CSMD1: variants seen among roughly 807,000 people sequenced by gnomAD.
The protein encoded by CSMD1 is CUB and Sushi multiple domains 1.
CSMD1 carries 213 observed loss-of-function variants against 417.5 expected under a neutral mutation model. The ratio of observed to expected loss-of-function variants is 0.51; its 90% CI spans 0.46 to 0.57. CSMD1 has a LOEUF of 0.57. CSMD1 is among the 20% of genes least tolerant of loss of function. The pLI, the probability that CSMD1 is intolerant of heterozygous loss-of-function variation, is 0.00. For synonymous variants in CSMD1, 2,862 were observed against 1,736.8 expected (o/e 1.65, Z -16.11); for missense variants, 6,923 against 4,529.7 (o/e 1.53, Z -15.17).
chr8:2,942,829 T>C (rs1489400921), intron 68 of CSMD1, among the ~76,000 whole-genome samples: 2 of 151,692 alleles, frequency 1.3e-5, no homozygotes, highest in East Asian at 3.9e-4. Context: ...TATGAAAGAG[T>C]CTCAACATTT....
At chr8:2,983,840 T>G (rs960198323) in intron 54 of CSMD1, among the ~76,000 whole-genome samples, 1 of 152,190 alleles carries the variant, frequency 6.6e-6, no homozygotes, top group Non-Finnish European at 1.5e-5. Flanking sequence ...GAAATAAAGC[T>G]TAGTTTTTAA....
intron 3 of CSMD1, among the ~76,000 whole-genome samples, chr8:4,037,696 TTGAA>T (rs1200893128): frequency 6.6e-6 from 1 of 152,312 alleles, no homozygotes; most frequent in African/African-American, 2.4e-5. Flanking sequence ...GGTGTGAAGA[TTGAA>T]TGAGATAACA....
chr8:3,149,971 G>A (rs1585484615), intron 40 of CSMD1, among the ~76,000 whole-genome samples: 1 of 152,112 alleles, frequency 6.6e-6, no homozygotes, highest in African/African-American at 2.4e-5. Flanking sequence ...ACTATCCCGG[G>A]TTACACATAC....
chr8:3,266,517 A>T (rs1801443009), intron 26 of CSMD1, among the ~76,000 whole-genome samples: 1 of 150,810 alleles, frequency 6.6e-6, no homozygotes, highest in South Asian at 2.1e-4. Flanking sequence ...GAGGCAGGAG[A>T]ATCACTTGAA....
chr8:3,860,623 G>T (rs556662785), intron 5 of CSMD1, among the ~76,000 whole-genome samples: 2 of 152,044 alleles, frequency 1.3e-5, no homozygotes, highest in Non-Finnish European at 2.9e-5. Context: ...GACACTATTA[G>T]TTACAGTCCA....
chr8:4,366,717 T>A (rs889949792), intron 3 of CSMD1, among the ~76,000 whole-genome samples: 10 of 152,070 alleles, frequency 6.6e-5, no homozygotes, highest in African/African-American at 2.4e-4. Context: ...ATTTTATTAT[T>A]ATTATTAGAC....
chr8:3,895,880 C>A (rs73172300), intron 5 of CSMD1, among the ~76,000 whole-genome samples: 2 of 152,158 alleles, frequency 1.3e-5, no homozygotes, highest in African/African-American at 4.8e-5. Flanking sequence ...GTCAGGTTAA[C>A]CTCATCCCCT....
intron 49 of CSMD1, among the ~76,000 whole-genome samples, chr8:3,068,063 T>C (rs1212150182): frequency 6.6e-6 from 1 of 152,212 alleles, no homozygotes; most frequent in Non-Finnish European, 1.5e-5. Flanking sequence ...CTTATATTTC[T>C]ATCCAAAAGG....
intron 5 of CSMD1, among the ~76,000 whole-genome samples, chr8:3,903,918 G>C (rs370717998): frequency 6.6e-6 from 1 of 152,158 alleles, no homozygotes; most frequent in Admixed American, 6.5e-5. Flanking sequence ...ACACTACCAT[G>C]TACCTCTTTG....
intron 3 of CSMD1, among the ~76,000 whole-genome samples, chr8:4,274,628 GAACA>G (rs1796371876): frequency 6.6e-6 from 1 of 151,666 alleles, no homozygotes; most frequent in Non-Finnish European, 1.5e-5. Context: ...ATTAAATATC[GAACA>G]AAAATCTATA....
At position 4,567,211 on chromosome 8, in the gene CSMD1, G is replaced by T. The variant is rs1161736823; in HGVS notation, c.302+70131C>A. ...TTATTTGGTTTATGTCACAGAGCAT[G>T]AACAGTGGGGATTGAATATAAGTGA... On this transcript the variant is annotated intron_variant, in intron 2 of 69. Transcript: ENST00000635120. 2.6e-5 allele frequency among the ~76,000 whole-genome samples: 4 copies of T among 152,174 alleles called. No individual in the cohort carries two copies. In the East Asian group the frequency reaches 7.7e-4, roughly 29 times the overall value.
At chr8:3,555,437 G>C (rs550406062) in intron 10 of CSMD1, among the ~76,000 whole-genome samples, 1 of 152,228 alleles carries the variant, frequency 6.6e-6, no homozygotes, top group South Asian at 2.1e-4. Flanking sequence ...AGGGCTGGTG[G>C]GGTCAGGTGG....
intron 5 of CSMD1, among the ~76,000 whole-genome samples, chr8:3,901,418 T>G (rs1807743437): frequency 6.6e-6 from 1 of 152,250 alleles, no homozygotes; most frequent in Non-Finnish European, 1.5e-5. Flanking sequence ...CTGAAATCCG[T>G]GCTGATGCAT....
chr8:3,179,562 A>C (rs1219903673), intron 37 of CSMD1, among the ~76,000 whole-genome samples: 1 of 152,204 alleles, frequency 6.6e-6, no homozygotes, highest in Admixed American at 6.5e-5. Context: ...AGGTAAGTGC[A>C]TATCTCACTG....
At chr8:3,805,275 T>G (rs1800668445) in intron 5 of CSMD1, among the ~76,000 whole-genome samples, 1 of 152,130 alleles carries the variant, frequency 6.6e-6, no homozygotes, top group Non-Finnish European at 1.5e-5. Context: ...GGCATCAGCA[T>G]CGCAGAGGAA....
chr8:3,103,003 C>A (rs1336133820), intron 46 of CSMD1, among the ~76,000 whole-genome samples: 1 of 152,086 alleles, frequency 6.6e-6, no homozygotes, highest in South Asian at 2.1e-4. Context: ...TGTGATTTAG[C>A]GGGAGACAAA....
intron 3 of CSMD1, among the ~76,000 whole-genome samples, chr8:4,193,755 G>A (rs757232156): frequency 6.6e-6 from 1 of 152,072 alleles, no homozygotes; most frequent in Non-Finnish European, 1.5e-5. Context: ...AAGTGATTTT[G>A]GCTGGCAAGT....
intron 50 of CSMD1, 66 bp from the exon 51 acceptor site, chr8:3,029,579 T>C: frequency 7.1e-7 from 1 of 1,402,348 alleles, no homozygotes; most frequent in Non-Finnish European, 9.8e-7. Flanking sequence ...CGTGCTTGCT[T>C]TGGATGGCAA....
intron 10 of CSMD1, among the ~76,000 whole-genome samples, chr8:3,539,235 T>C (rs1414894637): frequency 3.3e-5 from 5 of 152,170 alleles, no homozygotes; most frequent in Non-Finnish European, 7.3e-5. Flanking sequence ...ATGTGTATCA[T>C]TAATCCTTCA....
Sources: gnomAD v4.1 joint callset for allele counts (sites outside exome capture counted in the v4.1 genomes callset) on GRCh38, gnomAD v4.1.1 for gene constraint, MANE v1.5 for transcripts, NCBI Gene and HGNC (gene_info 2026-07-23, HGNC 2026-07-21) for gene names.